Variants in MGAT4C observed in about 807,000 individuals in gnomAD.
MGAT4C encodes the protein alpha-1,3-mannosyl-glycoprotein 4-beta-N-acetylglucosaminyltransferase C.
A neutral mutation model predicts 40.1 loss-of-function variants in MGAT4C; 19 were observed. That is an observed-to-expected ratio of 0.47 (90% CI 0.33 to 0.70). The LOEUF is 0.70. Ranked by LOEUF, MGAT4C falls within the 30% of genes least tolerant of loss-of-function variation. The probability of loss-of-function intolerance (pLI) is 0.02; values close to 1 mark genes in which losing one functional copy is unlikely to be tolerated. For synonymous variants in MGAT4C, 181 were observed against 187.1 expected (o/e 0.97, Z 0.27); for missense variants, 491 against 563.2 (o/e 0.87, Z 1.30).
intron 1 of MGAT4C, among the ~76,000 whole-genome samples, chr12:86,145,409 G>T (rs189137738): frequency 6.6e-6 from 1 of 152,168 alleles, no homozygotes; most frequent in Admixed American, 6.5e-5. Flanking sequence ...AAAATAAATT[G>T]GGTTGTGCAC....
chr12:86,385,241 G>A (rs1330314922), intron 3 of MGAT4C, among the ~76,000 whole-genome samples: 1 of 151,976 alleles, frequency 6.6e-6, no homozygotes, highest in Non-Finnish European at 1.5e-5. Flanking sequence ...ACAAGAATAA[G>A]ATAAAATAAT....
chr12:86,056,328 T>G (rs1893384467), intron 1 of MGAT4C, among the ~76,000 whole-genome samples: 1 of 152,208 alleles, frequency 6.6e-6, no homozygotes, highest in African/African-American at 2.4e-5. Context: ...TTGGTTTGCT[T>G]CACCCATTAA....
At chr12:86,632,305 G>C (rs569218114) in intron 2 of MGAT4C, among the ~76,000 whole-genome samples, 2 of 152,100 alleles carry the variant, frequency 1.3e-5, no homozygotes, top group African/African-American at 4.8e-5. Flanking sequence ...TACACTGTTG[G>C]GGGGACTGTA....
At chr12:86,738,954 T>G (rs1171839196) in intron 1 of MGAT4C, among the ~76,000 whole-genome samples, 1 of 150,654 alleles carries the variant, frequency 6.6e-6, no homozygotes, top group African/African-American at 2.4e-5. Context: ...TACCTATTCA[T>G]AGCTATAGCA....
At chr12:86,788,513 T>G (rs1271230134) in intron 1 of MGAT4C, among the ~76,000 whole-genome samples, 1 of 152,136 alleles carries the variant, frequency 6.6e-6, no homozygotes, top group Non-Finnish European at 1.5e-5. Context: ...CAAGGACTGT[T>G]TTTCTTTTCC....
intron 1 of MGAT4C, among the ~76,000 whole-genome samples, chr12:86,235,621 C>G (rs1458187753): frequency 1.3e-5 from 2 of 152,038 alleles, no homozygotes; most frequent in African/African-American, 4.8e-5. Context: ...TATATGCTGT[C>G]TGAAATGCCA....
At chr12:86,723,481 T>C (rs546114201) in intron 2 of MGAT4C, among the ~76,000 whole-genome samples, 1 of 152,176 alleles carries the variant, frequency 6.6e-6, no homozygotes, top group African/African-American at 2.4e-5. Context: ...TTTGGCAGCC[T>C]CGGGGGCTCT....
chr12:86,814,018 C>T (rs963668487), intron 1 of MGAT4C, among the ~76,000 whole-genome samples: 1 of 151,764 alleles, frequency 6.6e-6, no homozygotes, highest in Non-Finnish European at 1.5e-5. Context: ...TCAAGCAATT[C>T]TCCTGCCTCA....
chr12:86,787,408 A>G (rs1284108671), intron 1 of MGAT4C, among the ~76,000 whole-genome samples: 1 of 152,022 alleles, frequency 6.6e-6, no homozygotes, highest in East Asian at 1.9e-4. Context: ...TATTTTTTCT[A>G]TTGTGAATAG....
At chr12:86,775,006 T>A (rs1359461939) in intron 1 of MGAT4C, among the ~76,000 whole-genome samples, 1 of 152,218 alleles carries the variant, frequency 6.6e-6, no homozygotes, top group Non-Finnish European at 1.5e-5. Flanking sequence ...CTAACTTTTG[T>A]AAACATACCA....
intron 1 of MGAT4C, among the ~76,000 whole-genome samples, chr12:86,199,623 T>C (rs2135928463): frequency 6.6e-6 from 1 of 152,210 alleles, no homozygotes; most frequent in South Asian, 2.1e-4. Flanking sequence ...TTCTTCCTAA[T>C]TGAAGGTGGC....
At chr12:86,399,045 A>G (rs1956308599) in intron 3 of MGAT4C, among the ~76,000 whole-genome samples, 1 of 152,142 alleles carries the variant, frequency 6.6e-6, no homozygotes. Flanking sequence ...ATCCTGACTC[A>G]CTGCAACCTC....
At chr12:86,262,860 T>A (rs1195084229) in intron 4 of MGAT4C, among the ~76,000 whole-genome samples, 1 of 151,986 alleles carries the variant, frequency 6.6e-6, no homozygotes, top group African/African-American at 2.4e-5. Flanking sequence ...AATATTTTAC[T>A]TATTATTTGT....
intron 1 of MGAT4C, among the ~76,000 whole-genome samples, chr12:86,231,308 A>C (rs986073912): frequency 6.6e-6 from 1 of 152,202 alleles, no homozygotes; most frequent in African/African-American, 2.4e-5. Flanking sequence ...AGATCCATTA[A>C]AATTATTTTG....
intron 1 of MGAT4C, among the ~76,000 whole-genome samples, chr12:86,153,329 T>C (rs1290947695): frequency 6.6e-6 from 1 of 152,114 alleles, no homozygotes; most frequent in East Asian, 1.9e-4. Context: ...CACAACAAAG[T>C]AAAATATTTA....
In MGAT4C at chr12:85,995,773, C is replaced by T. The variant is rs184857028; in HGVS notation, c.-6-6221G>A. 4.0e-4 allele frequency among the ~76,000 whole-genome samples: 61 copies of T among 152,184 alleles called. 1 individual carries two copies. Among genetic ancestry groups the T allele is most frequent in the South Asian group, 3.9e-3 (19 of 4,822 alleles). On this transcript the variant is annotated intron_variant, in intron 2 of 4. Transcript: ENST00000611864. The stretch of plus-strand genomic sequence containing the variant: ...GTCCCAGCTACTTGGGAGACTGAGG[C>T]AGGAGCATTACTCAAGCCTGGGAGG...
At chr12:86,585,800 C>T (rs1418225567) in intron 2 of MGAT4C, among the ~76,000 whole-genome samples, 1 of 147,418 alleles carries the variant, frequency 6.8e-6, no homozygotes, top group East Asian at 2.0e-4. Context: ...TTTCACTCAA[C>T]AGATGACAGG....
intron 2 of MGAT4C, among the ~76,000 whole-genome samples, chr12:86,568,334 G>A (rs34725269): frequency 5.3e-5 from 8 of 151,972 alleles, no homozygotes; most frequent in Non-Finnish European, 1.2e-4. Flanking sequence ...TTCTGCCCTC[G>A]AACATCAGAC....
intron 1 of MGAT4C, among the ~76,000 whole-genome samples, chr12:86,051,767 T>A (rs1206087301): frequency 6.6e-6 from 1 of 151,274 alleles, no homozygotes; most frequent in African/African-American, 2.4e-5. Context: ...ACTATATATC[T>A]AATTAGTATT....
Sources: gnomAD v4.1 joint callset for allele counts (sites outside exome capture counted in the v4.1 genomes callset) on GRCh38, gnomAD v4.1.1 for gene constraint, MANE v1.5 for transcripts, NCBI Gene and HGNC (gene_info 2026-07-23, HGNC 2026-07-21) for gene names.